CDK6: variants seen among roughly 807,000 people sequenced by gnomAD.
CDK6 encodes cyclin dependent kinase 6, also known as cyclin-dependent kinase 6.
Under a neutral mutation model 37.1 loss-of-function variants are expected in CDK6, and 6 were observed. The observed-to-expected ratio is 0.16, with a 90% CI of 0.09 to 0.32. The LOEUF (loss-of-function observed/expected upper bound fraction) is 0.32. Among genes scored for constraint, CDK6 ranks in the 10% least tolerant of loss-of-function variants. The pLI is 1.00. For synonymous variants in CDK6, 160 were observed against 161.3 expected (o/e 0.99, Z 0.06); for missense variants, 224 against 418.9 (o/e 0.53, Z 4.06).
chr7:92,828,510 T>C (rs140451841), intron 2 of CDK6, among the ~76,000 whole-genome samples: 1 of 152,334 alleles, frequency 6.6e-6, no homozygotes, highest in African/African-American at 2.4e-5. Flanking sequence ...TTTACAATGA[T>C]AGGCTGCATG....
At chr7:92,812,718 G>A (rs1448079350) in intron 2 of CDK6, among the ~76,000 whole-genome samples, 2 of 152,126 alleles carry the variant, frequency 1.3e-5, no homozygotes, top group African/African-American at 4.8e-5. Context: ...GAGCCACTGT[G>A]CCTGGCCCAC....
At chr7:92,743,514 A>G (rs1403513348) in intron 3 of CDK6, among the ~76,000 whole-genome samples, 1 of 152,126 alleles carries the variant, frequency 6.6e-6, no homozygotes, top group Non-Finnish European at 1.5e-5. Flanking sequence ...ACTAAATTAG[A>G]AAAAGACACA....
At chr7:92,693,695 A>G (rs2116646689) in intron 4 of CDK6, among the ~76,000 whole-genome samples, 1 of 152,306 alleles carries the variant, frequency 6.6e-6, no homozygotes, top group South Asian at 2.1e-4. Flanking sequence ...TTTCTTTTCC[A>G]GTCATAAAAG....
At chr7:92,638,704 C>T (rs377041200) in intron 5 of CDK6, among the ~76,000 whole-genome samples, 1 of 152,192 alleles carries the variant, frequency 6.6e-6, no homozygotes, top group Admixed American at 6.5e-5. Flanking sequence ...CATCACTTAC[C>T]TACTAAATTA....
intron 2 of CDK6, among the ~76,000 whole-genome samples, chr7:92,803,213 T>C (rs1416551385): frequency 6.6e-6 from 1 of 152,230 alleles, no homozygotes. Flanking sequence ...TGGTTAGCAG[T>C]ATGTGAACCT....
At chr7:92,714,028 T>C (rs930767127) in intron 4 of CDK6, among the ~76,000 whole-genome samples, 1 of 152,234 alleles carries the variant, frequency 6.6e-6, no homozygotes, top group African/African-American at 2.4e-5. Flanking sequence ...GCAGCTACCA[T>C]GTGCCTGTGT....
intron 4 of CDK6, among the ~76,000 whole-genome samples, chr7:92,699,226 C>A (rs1172836017): frequency 6.6e-6 from 1 of 152,104 alleles, no homozygotes; most frequent in Non-Finnish European, 1.5e-5. Context: ...TTTAGGATCC[C>A]TTTTAAAGCA....
rs187222085 is a variant in CDK6, at chr7:92,681,377, C to T, written c.538-9842G>A. On this transcript the variant is annotated intron_variant, in intron 4 of 7. Coordinates refer to ENST00000424848, the MANE Select transcript of CDK6 (RefSeq NM_001145306.2). ...GGGATGAAAATGACTCACTGAAGGA[C>T]CAGCAAAGGTAGAATTCAGGGATCC... Among the ~76,000 whole-genome samples the T allele has an allele frequency of 1.8e-3, 269 of 152,240 alleles. 1 individual carries two copies. Among genetic ancestry groups the T allele is most frequent in the Non-Finnish European group, 2.9e-3 (194 of 68,008 alleles).
rs4729047 is a variant in CDK6, at chr7:92,630,609, G to A, written c.648-7523C>T. 1.9e-3 allele frequency among the ~76,000 whole-genome samples: 283 copies of A among 152,222 alleles called. 5 individuals are homozygous for A. Among genetic ancestry groups the A allele is most frequent in the Admixed American group, 0.017 (258 of 15,282 alleles). On this transcript the variant is annotated intron_variant, in intron 5 of 7. Coordinates refer to ENST00000424848, the MANE Select transcript of CDK6 (RefSeq NM_001145306.2). ...TATTAAAAAATTGGAGGCAAGTCAA[G>A]GATATGGTACCCCCATGGAATCACT...
intron 4 of CDK6, among the ~76,000 whole-genome samples, chr7:92,711,700 T>C (rs2116681621): frequency 6.6e-6 from 1 of 151,478 alleles, no homozygotes; most frequent in African/African-American, 2.4e-5. Flanking sequence ...CCCAAGTAGC[T>C]GGGACTACAG....
chr7:92,699,018 G>T (rs963379917), intron 4 of CDK6, among the ~76,000 whole-genome samples: 8 of 152,096 alleles, frequency 5.3e-5, no homozygotes, highest in African/African-American at 1.7e-4. Flanking sequence ...GATTCTCCAG[G>T]AGGACAATTC....
At chr7:92,720,267 T>G (rs1486008908) in intron 4 of CDK6, among the ~76,000 whole-genome samples, 1 of 152,240 alleles carries the variant, frequency 6.6e-6, no homozygotes, top group East Asian at 1.9e-4. Flanking sequence ...CTTTGTAGAA[T>G]CTGAGAGTTC....
intron 2 of CDK6, among the ~76,000 whole-genome samples, chr7:92,798,411 T>G (rs1013638988): frequency 4.6e-5 from 7 of 152,346 alleles, no homozygotes; most frequent in African/African-American, 1.4e-4. Flanking sequence ...TCTCTTCTTT[T>G]GCATTTCAAC....
intron 3 of CDK6, among the ~76,000 whole-genome samples, chr7:92,746,568 C>T (rs752775911): frequency 6.6e-6 from 1 of 152,230 alleles, no homozygotes; most frequent in East Asian, 1.9e-4. Flanking sequence ...TGGGACCTAT[C>T]CCAAAGATGT....
At chr7:92,619,655 C>T (rs1439851724) in intron 6 of CDK6, among the ~76,000 whole-genome samples, 3 of 151,742 alleles carry the variant, frequency 2.0e-5, no homozygotes, top group African/African-American at 2.4e-5. Flanking sequence ...CTCACCTACA[C>T]GGAGCCCAGG....
intron 2 of CDK6, among the ~76,000 whole-genome samples, chr7:92,808,257 G>T (rs1246743396): frequency 6.6e-6 from 1 of 152,176 alleles, no homozygotes. Flanking sequence ...GTTGCTGCGG[G>T]GCAGCATCAG....
chr7:92,805,404 G>A (rs546748345), intron 2 of CDK6, among the ~76,000 whole-genome samples: 3 of 152,210 alleles, frequency 2.0e-5, no homozygotes, highest in South Asian at 2.1e-4. Context: ...TCCATTTTCC[G>A]TCATGCTGTT....
chr7:92,642,767 T>C (rs1482856610), intron 5 of CDK6, among the ~76,000 whole-genome samples: 2 of 152,170 alleles, frequency 1.3e-5, no homozygotes, highest in African/African-American at 4.8e-5. Context: ...CTCATCATCA[T>C]TGAGCTAAGA....
rs1283811877 is a variant in CDK6 at position 92,821,053 on chromosome 7, G to T, written c.233+12038C>A. Among the ~76,000 whole-genome samples, 7 of 151,966 alleles carry T rather than the reference G, an allele frequency of 4.6e-5. No individual in the cohort carries two copies. The South Asian group carries it at 1.2e-3, about 27-fold the overall frequency. On this transcript the variant is annotated intron_variant, in intron 2 of 7. Transcript: ENST00000424848. Reference sequence around the variant, plus strand: ...TGTCTCTACCTCTTGAATCTCTGGGGCTTTGAACTCAAATATAAACAACAA... The same window carrying T: ...TGTCTCTACCTCTTGAATCTCTGGGTCTTTGAACTCAAATATAAACAACAA...
Sources: gnomAD v4.1 joint callset for allele counts (sites outside exome capture counted in the v4.1 genomes callset) on GRCh38, gnomAD v4.1.1 for gene constraint, MANE v1.5 for transcripts, NCBI Gene and HGNC (gene_info 2026-07-23, HGNC 2026-07-21) for gene names.